Variants in CACNA2D3 observed in about 807,000 individuals in gnomAD.
The protein encoded by CACNA2D3 is voltage-dependent calcium channel subunit alpha-2/delta-3.
A neutral mutation model predicts 160.6 loss-of-function variants in CACNA2D3; 60 were observed. The ratio of observed to expected loss-of-function variants is 0.37; its 90% CI spans 0.30 to 0.46. The LOEUF (loss-of-function observed/expected upper bound fraction) is 0.46, where lower values mean the gene tolerates loss of function less well. Among genes scored for constraint, CACNA2D3 ranks in the 20% least tolerant of loss-of-function variants. The pLI is 1.00. For missense variants in CACNA2D3, 1,205 were observed against 1,365.0 expected (o/e 0.88, Z 1.85); for synonymous variants, 558 against 492.9 (o/e 1.13, Z -1.75).
intron 11 of CACNA2D3, among the ~76,000 whole-genome samples, chr3:54,678,390 A>T (rs1337656788): frequency 6.6e-6 from 1 of 152,166 alleles, no homozygotes; most frequent in African/African-American, 2.4e-5. Context: ...GGAAATCCTG[A>T]AATTCTAACC....
At chr3:54,633,066 T>A (rs1699279552) in intron 10 of CACNA2D3, among the ~76,000 whole-genome samples, 1 of 152,126 alleles carries the variant, frequency 6.6e-6, no homozygotes, top group South Asian at 2.1e-4. Flanking sequence ...GGAAAGTGTC[T>A]GGGGCACCAC....
chr3:54,206,563 G>A (rs1227894799), intron 2 of CACNA2D3, among the ~76,000 whole-genome samples: 6 of 152,084 alleles, frequency 3.9e-5, no homozygotes, highest in East Asian at 1.9e-4. Flanking sequence ...AAACCCTGCC[G>A]CGACCCAACC....
chr3:54,960,687 T>C (rs1702011057), intron 27 of CACNA2D3, among the ~76,000 whole-genome samples: 1 of 152,332 alleles, frequency 6.6e-6, no homozygotes, highest in South Asian at 2.1e-4. Flanking sequence ...TGCAGCTGCC[T>C]TCCCTTCCTT....
chr3:54,679,595 G>T (rs1700305753), intron 11 of CACNA2D3, among the ~76,000 whole-genome samples: 1 of 152,166 alleles, frequency 6.6e-6, no homozygotes, highest in Middle Eastern at 3.2e-3. Flanking sequence ...CCTTATCTCT[G>T]TGTCACACTC....
In CACNA2D3 at chr3:54,518,105, A is replaced by G. The variant is rs187718259; in HGVS notation, c.544+14451A>G. Reference sequence around the variant, plus strand: ...ACCACATCTGCAGAGGCTTCTTTACATTAAAACAGGGCTGGGGATGGGGGT... The same window carrying G: ...ACCACATCTGCAGAGGCTTCTTTACGTTAAAACAGGGCTGGGGATGGGGGT... On this transcript the variant is annotated intron_variant, in intron 5 of 37. Transcript: ENST00000474759. 9.2e-5 allele frequency among the ~76,000 whole-genome samples: 14 copies of G among 152,250 alleles called. No homozygotes were observed. The East Asian group carries it at 1.9e-3, about 21-fold the overall frequency.
intron 5 of CACNA2D3, among the ~76,000 whole-genome samples, chr3:54,522,689 A>T (rs1701663320): frequency 6.6e-6 from 1 of 152,098 alleles, no homozygotes; most frequent in African/African-American, 2.4e-5. Context: ...AGGGCAAGAG[A>T]GGGTGAAAGT....
intron 4 of CACNA2D3, among the ~76,000 whole-genome samples, chr3:54,501,340 A>T (rs1701290482): frequency 6.6e-6 from 1 of 152,056 alleles, no homozygotes; most frequent in Admixed American, 6.6e-5. Context: ...ACAAGCTGTT[A>T]TATGTTAGAT....
chr3:54,861,804 A>G (rs1162569609), intron 17 of CACNA2D3, among the ~76,000 whole-genome samples: 1 of 152,240 alleles, frequency 6.6e-6, no homozygotes, highest in African/African-American at 2.4e-5. Context: ...TTCTCTGATT[A>G]TACTCACCCA....
At chr3:54,515,222 A>AAG (rs762033191) in intron 5 of CACNA2D3, among the ~76,000 whole-genome samples, 1 of 117,534 alleles carries the variant, frequency 8.5e-6, no homozygotes, top group Non-Finnish European at 1.8e-5. Flanking sequence ...GAGAGAGAGA[A>AAG]AGAGAGAGAG....
At chr3:54,485,643 A>C (rs1303229338) in intron 4 of CACNA2D3, among the ~76,000 whole-genome samples, 1 of 151,050 alleles carries the variant, frequency 6.6e-6, no homozygotes, top group Non-Finnish European at 1.5e-5. Flanking sequence ...GGCTCATTGC[A>C]ACCTCCATCT....
At chr3:54,747,155 G>T (rs1701765806) in intron 11 of CACNA2D3, among the ~76,000 whole-genome samples, 1 of 152,052 alleles carries the variant, frequency 6.6e-6, no homozygotes, top group South Asian at 2.1e-4. Context: ...TTTTTAAAGT[G>T]TTGGCCACAG....
chr3:54,192,505 G>T (rs1701001930), intron 2 of CACNA2D3, among the ~76,000 whole-genome samples: 2 of 152,172 alleles, frequency 1.3e-5, no homozygotes. Context: ...GACACCTAAG[G>T]GGGAAGATAG....
At chr3:54,472,862 A>T (rs980387855) in intron 4 of CACNA2D3, among the ~76,000 whole-genome samples, 2 of 152,238 alleles carry the variant, frequency 1.3e-5, no homozygotes, top group African/African-American at 2.4e-5. Flanking sequence ...GAGAACTACA[A>T]ACCACTGCTC....
intron 11 of CACNA2D3, among the ~76,000 whole-genome samples, chr3:54,711,187 AAGG>A (rs1303934457): frequency 6.6e-6 from 1 of 152,222 alleles, no homozygotes; most frequent in Non-Finnish European, 1.5e-5. Context: ...TCGCATAAAA[AAGG>A]AGAGTAATAG....
At chr3:54,926,832 G>C (rs1207306049) in intron 27 of CACNA2D3, among the ~76,000 whole-genome samples, 2 of 152,036 alleles carry the variant, frequency 1.3e-5, no homozygotes, top group African/African-American at 2.4e-5. Context: ...AGACTGCCTT[G>C]GCTGTGCAGG....
At chr3:54,548,543 T>G (rs1575338384) in intron 5 of CACNA2D3, among the ~76,000 whole-genome samples, 2 of 152,186 alleles carry the variant, frequency 1.3e-5, no homozygotes, top group Non-Finnish European at 2.9e-5. Context: ...AAGGGGCAGA[T>G]GCTCCCATTA....
chr3:54,309,245 C>T (rs1400265415), intron 2 of CACNA2D3, among the ~76,000 whole-genome samples: 1 of 152,220 alleles, frequency 6.6e-6, no homozygotes, highest in Non-Finnish European at 1.5e-5. Flanking sequence ...GTGATGCCCC[C>T]ATACAAGGGC....
At chr3:54,724,282 C>T (rs1274476641) in intron 11 of CACNA2D3, among the ~76,000 whole-genome samples, 1 of 152,094 alleles carries the variant, frequency 6.6e-6, no homozygotes, top group Non-Finnish European at 1.5e-5. Flanking sequence ...TTCTTAGAGA[C>T]CTACAAAGAG....
intron 2 of CACNA2D3, among the ~76,000 whole-genome samples, chr3:54,232,069 C>T (rs1701780142): frequency 6.6e-6 from 1 of 152,196 alleles, no homozygotes; most frequent in Non-Finnish European, 1.5e-5. Flanking sequence ...GGGGGCGGCC[C>T]CAGCTGTGTA....
Sources: gnomAD v4.1 joint callset for allele counts (sites outside exome capture counted in the v4.1 genomes callset) on GRCh38, gnomAD v4.1.1 for gene constraint, MANE v1.5 for transcripts, NCBI Gene and HGNC (gene_info 2026-07-23, HGNC 2026-07-21) for gene names.